The following ADAM23 variants were observed in gnomAD, a reference collection of about 807,000 sequenced individuals.
ADAM23 encodes the protein ADAM metallopeptidase domain 23.
In ADAM23, 33 loss-of-function variants were observed where a neutral mutation model predicts 120.1. The ratio of observed to expected loss-of-function variants is 0.27; its 90% CI spans 0.21 to 0.37. ADAM23 has a LOEUF of 0.37. Among genes scored for constraint, ADAM23 ranks in the 10% least tolerant of loss-of-function variants. The pLI is 1.00. For synonymous variants in ADAM23, 367 were observed against 375.2 expected (o/e 0.98, Z 0.25); for missense variants, 862 against 1,058.2 (o/e 0.81, Z 2.57).
intron 3 of ADAM23, among the ~76,000 whole-genome samples, chr2:206,525,131 G>T (rs761831861): frequency 1.3e-5 from 2 of 152,086 alleles, no homozygotes; most frequent in Non-Finnish European, 2.9e-5. Context: ...CCCTAGTTTG[G>T]ATGATAAATT....
chr2:206,522,452 G>T (rs1696863840), intron 3 of ADAM23, among the ~76,000 whole-genome samples: 1 of 151,798 alleles, frequency 6.6e-6, no homozygotes, highest in Non-Finnish European at 1.5e-5. Context: ...TTTCTGTATA[G>T]AATGAAAAAT....
chr2:206,547,641 A>C (rs1422849051), intron 7 of ADAM23, 140 bp downstream of exon 7: 33 of 625,196 alleles, frequency 5.3e-5, no homozygotes, highest in Non-Finnish European at 1.6e-5. Flanking sequence ...CACTGGAATG[A>C]GTGGTGGCTC....
At position 206,443,985 on chromosome 2, in the gene ADAM23, G is replaced by T. The variant is rs1553543890; in HGVS notation, c.119G>T (p.Arg40Leu). The T allele has an allele frequency of 7.3e-7, 1 of 1,378,392 alleles. No individual in the cohort carries two copies. Among genetic ancestry groups the T allele is most frequent in the Non-Finnish European group, 9.4e-7 (1 of 1,062,100 alleles). 85.4% of individuals were successfully genotyped at this position (1,378,392 alleles called of 1,614,324 possible). A position where few individuals can be genotyped will look rare whatever the true frequency, so the allele number is the denominator to read the frequency against. The stretch of plus-strand genomic sequence containing the variant: ...TCGGTGCCTGCCAGCGCCCCGGCCC[G>T]CACGCCGCCCTGCCGCCTGCTTCTC... ...AGSVPASAPA[R>L]TPPCRLLLVL... Residue 40 changes from arginine (R) to leucine (L), a missense_variant, in exon 1 of 26, where the codon CGC (arginine) becomes CTC (leucine). Arg to Leu is a moderately radical substitution (Grantham distance 102). Transcript: ENST00000264377.
intron 3 of ADAM23, among the ~76,000 whole-genome samples, chr2:206,488,156 C>T (rs1337677684): frequency 6.6e-6 from 1 of 152,234 alleles, no homozygotes; most frequent in Non-Finnish European, 1.5e-5. Context: ...GCCCAACCTT[C>T]TTGCTGACTG....
At chr2:206,561,001 A>T (rs888128770) in intron 11 of ADAM23, 127 bp from the exon 12 acceptor site, 4 of 685,486 alleles carry the variant, frequency 5.8e-6, no homozygotes, top group Non-Finnish European at 1.0e-5. Flanking sequence ...TAGTTGAAAT[A>T]AAGTTTTTGA....
intron 5 of ADAM23, 55 bp from the exon 6 acceptor site, chr2:206,543,198 T>C: frequency 1.3e-6 from 2 of 1,487,254 alleles, no homozygotes; most frequent in South Asian, 1.1e-5. Flanking sequence ...TTGCTATTTC[T>C]TGCCATTTCC....
intron 3 of ADAM23, among the ~76,000 whole-genome samples, chr2:206,492,768 G>A (rs971924391): frequency 2.2e-4 from 34 of 152,092 alleles, no homozygotes; most frequent in African/African-American, 7.0e-4. Context: ...TAATCACCCT[G>A]AAAAGACCCC....
intron 3 of ADAM23, among the ~76,000 whole-genome samples, chr2:206,516,751 A>C (rs540916198): frequency 5.3e-5 from 8 of 152,262 alleles, no homozygotes; most frequent in Non-Finnish European, 1.2e-4. Flanking sequence ...CTCTTGAAGG[A>C]TTTCAGCTAT....
intron 3 of ADAM23, among the ~76,000 whole-genome samples, chr2:206,500,197 G>A (rs1376653021): frequency 2.0e-5 from 3 of 151,982 alleles, no homozygotes; most frequent in South Asian, 2.1e-4. Context: ...AGATGATCTC[G>A]TACTCATTGT....
At chr2:206,476,561 C>G (rs558600212) in intron 2 of ADAM23, among the ~76,000 whole-genome samples, 1 of 152,124 alleles carries the variant, frequency 6.6e-6, no homozygotes, top group Admixed American at 6.6e-5. Flanking sequence ...TTGCATACTC[C>G]TTATGAGAAT....
intron 24 of ADAM23, among the ~76,000 whole-genome samples, chr2:206,603,179 G>A (rs1187857820): frequency 6.6e-6 from 1 of 150,684 alleles, no homozygotes; most frequent in African/African-American, 2.4e-5. Context: ...ATAAATTAGT[G>A]TAGAAGTAGA....
intron 3 of ADAM23, among the ~76,000 whole-genome samples, chr2:206,519,404 T>C (rs1696800675): frequency 6.6e-6 from 1 of 152,172 alleles, no homozygotes; most frequent in Admixed American, 6.6e-5. Context: ...TTAGTTGTGA[T>C]TTAGGTAAGC....
intron 10 of ADAM23, 40 bp downstream of exon 10, chr2:206,557,538 G>C (rs767124265): frequency 7.9e-6 from 12 of 1,525,536 alleles, no homozygotes; most frequent in Non-Finnish European, 1.1e-5. Context: ...TGCCAAGATG[G>C]AATGGTTTAT....
intron 24 of ADAM23, 26 bp downstream of exon 24, chr2:206,596,188 A>G: frequency 6.4e-7 from 1 of 1,564,700 alleles, no homozygotes; most frequent in Non-Finnish European, 8.8e-7. Context: ...GTTTCAATTC[A>G]TGGAATACTG....
At chr2:206,586,073 T>G (rs1698315835) in intron 18 of ADAM23, among the ~76,000 whole-genome samples, 1 of 152,112 alleles carries the variant, frequency 6.6e-6, no homozygotes, top group African/African-American at 2.4e-5. Context: ...AGGCAAAGGC[T>G]GTGGGTGGCA....
In ADAM23 at chr2:206,443,984, C is replaced by G. The variant is rs1188416150; in HGVS notation, c.118C>G (p.Arg40Gly). Residue 40 changes from arginine (R) to glycine (G), a missense_variant, in exon 1 of 26, where the codon CGC (arginine) becomes GGC (glycine). By Grantham distance (125) the Arg-to-Gly change is moderately radical (BLOSUM62 -2). Transcript: ENST00000264377. The stretch of plus-strand genomic sequence containing the variant: ...CTCGGTGCCTGCCAGCGCCCCGGCC[C>G]GCACGCCGCCCTGCCGCCTGCTTCT... ...AGSVPASAPA[R>G]TPPCRLLLVL... 115 of 1,379,440 alleles carry G rather than the reference C, an allele frequency of 8.3e-5. No homozygotes were observed. Among genetic ancestry groups the G allele is most frequent in the Non-Finnish European group, 1.1e-4 (112 of 1,062,722 alleles). 85.5% of individuals were successfully genotyped at this position (1,379,440 alleles called of 1,614,324 possible). A position where few individuals can be genotyped will look rare whatever the true frequency, so the allele number is the denominator to read the frequency against.
At chr2:206,577,582 G>T (rs1698139579) in intron 18 of ADAM23, among the ~76,000 whole-genome samples, 1 of 140,292 alleles carries the variant, frequency 7.1e-6, no homozygotes, top group African/African-American at 2.7e-5. Context: ...TCCCTACAAA[G>T]GACATGAACT....
chr2:206,559,901 T>G (rs1697726329), intron 10 of ADAM23, 54 bp from the exon 11 acceptor site: 1 of 1,515,366 alleles, frequency 6.6e-7, no homozygotes. Flanking sequence ...TCACTGATCG[T>G]GCATGTTTGA....
chr2:206,511,907 C>T (rs1696631375), intron 3 of ADAM23, among the ~76,000 whole-genome samples: 1 of 152,048 alleles, frequency 6.6e-6, no homozygotes, highest in Non-Finnish European at 1.5e-5. Context: ...GGGAAGGAAA[C>T]ATTTTCATTC....
Sources: allele counts gnomAD v4.1 joint callset (sites outside exome capture counted in the v4.1 genomes callset), GRCh38; gene constraint gnomAD v4.1.1; transcripts MANE v1.5; gene names NCBI Gene and HGNC (gene_info 2026-07-23, HGNC 2026-07-21).